NCOA2: variants seen among roughly 807,000 people sequenced by gnomAD.
NCOA2 encodes the protein nuclear receptor coactivator 2, also known as class E basic helix-loop-helix protein 75.
In NCOA2, 21 loss-of-function variants were observed where a neutral mutation model predicts 145.1. The observed-to-expected ratio is 0.14, with a 90% confidence interval of 0.10 to 0.21. NCOA2 has a LOEUF of 0.21. NCOA2 is among the 10% of genes least tolerant of loss of function. NCOA2 has a pLI of 1.00. For synonymous variants in NCOA2, 619 were observed against 637.5 expected, an observed-to-expected ratio of 0.97 and a Z score of 0.44; for missense variants, 1,472 against 1,837.6, an observed-to-expected ratio of 0.80 and a Z score of 3.64.
intron 3 of NCOA2, among the ~76,000 whole-genome samples, chr8:70,216,418 A>T (rs1323723827): frequency 2.0e-5 from 3 of 152,234 alleles, no homozygotes; most frequent in Non-Finnish European, 4.4e-5. Flanking sequence ...TATTAAATAA[A>T]TTGATTCTAA....
the NCOA2 span, among the ~76,000 whole-genome samples, chr8:70,434,950 C>A: frequency 6.6e-6 from 1 of 152,084 alleles, no homozygotes; most frequent in African/African-American, 2.4e-5. Flanking sequence ...ATTTTCATTG[C>A]ACTCCTAAGG....
intron 2 of NCOA2, among the ~76,000 whole-genome samples, chr8:70,296,507 A>G (rs1335553387): frequency 6.6e-6 from 1 of 152,210 alleles, no homozygotes; most frequent in African/African-American, 2.4e-5. Flanking sequence ...ATGTAAACTC[A>G]TCCCAAATAG....
intron 1 of NCOA2, among the ~76,000 whole-genome samples, chr8:70,365,079 T>C (rs1327519132): frequency 6.6e-6 from 1 of 152,276 alleles, no homozygotes; most frequent in South Asian, 2.1e-4. Flanking sequence ...ATGTGTGTAA[T>C]CCCAATATTT....
At chr8:70,152,745 T>G (rs1274214399) in intron 11 of NCOA2, among the ~76,000 whole-genome samples, 1 of 152,236 alleles carries the variant, frequency 6.6e-6, no homozygotes, top group Admixed American at 6.5e-5. Flanking sequence ...CGGTAAAAAA[T>G]GCTATTTTGG....
intron 1 of NCOA2, among the ~76,000 whole-genome samples, chr8:70,338,894 C>G (rs376975695): frequency 3.3e-5 from 5 of 152,148 alleles, no homozygotes; most frequent in Admixed American, 2.0e-4. Context: ...CAATAAAATT[C>G]AACATCCCTT....
chr8:70,319,977 G>GCAAAAAA (rs1805915981), intron 1 of NCOA2, among the ~76,000 whole-genome samples: 1 of 152,134 alleles, frequency 6.6e-6, no homozygotes, highest in African/African-American at 2.4e-5. Context: ...ATGATGATGG[G>GCAAAAAA]TAGCCTTGTT....
At chr8:70,316,302 A>G (rs769277315) in intron 1 of NCOA2, among the ~76,000 whole-genome samples, 8 of 152,224 alleles carry the variant, frequency 5.3e-5, no homozygotes, top group South Asian at 2.1e-4. Flanking sequence ...AACTTGTTCA[A>G]TGAGCTGTTT....
intron 2 of NCOA2, among the ~76,000 whole-genome samples, chr8:70,251,764 G>A (rs1352495036): frequency 6.6e-6 from 1 of 152,188 alleles, no homozygotes; most frequent in Admixed American, 6.5e-5. Flanking sequence ...CAGTTTTAAT[G>A]AACAACTAGA....
intron 4 of NCOA2, among the ~76,000 whole-genome samples, chr8:70,179,607 C>T (rs534170020): frequency 6.6e-6 from 1 of 152,314 alleles, no homozygotes; most frequent in South Asian, 2.1e-4. Context: ...CATTACTACA[C>T]TAAAACACAC....
chr8:70,211,544 T>C (rs1819030123), intron 4 of NCOA2, among the ~76,000 whole-genome samples: 1 of 152,204 alleles, frequency 6.6e-6, no homozygotes, highest in Non-Finnish European at 1.5e-5. Context: ...AGGTGTTTAC[T>C]GAATTTACAT....
chr8:70,454,680 T>A, the NCOA2 span, among the ~76,000 whole-genome samples: 1 of 152,042 alleles, frequency 6.6e-6, no homozygotes, highest in African/African-American at 2.4e-5. Context: ...TCACTGCCAA[T>A]AACAAACACA....
intron 13 of NCOA2, among the ~76,000 whole-genome samples, chr8:70,143,994 T>TA (rs979208290): frequency 5.9e-5 from 9 of 152,184 alleles, no homozygotes; most frequent in African/African-American, 2.2e-4. Flanking sequence ...GAACTGGATA[T>TA]AAGCTTGGGA....
chr8:70,198,421 C>G (rs2133449914), intron 4 of NCOA2, among the ~76,000 whole-genome samples: 1 of 152,266 alleles, frequency 6.6e-6, no homozygotes, highest in South Asian at 2.1e-4. Context: ...ATGGGACCAG[C>G]CAGCAAAGGG....
chr8:70,427,536 G>A, the NCOA2 span, among the ~76,000 whole-genome samples: 1 of 151,718 alleles, frequency 6.6e-6, no homozygotes, highest in Non-Finnish European at 1.5e-5. Context: ...AAATATTTTA[G>A]TACCAAAAAA....
intron 2 of NCOA2, among the ~76,000 whole-genome samples, chr8:70,285,964 C>A (rs1826202993): frequency 6.6e-6 from 1 of 152,112 alleles, no homozygotes; most frequent in African/African-American, 2.4e-5. Flanking sequence ...TCTCTCTATA[C>A]CTTAGTGTTT....
intron 4 of NCOA2, among the ~76,000 whole-genome samples, chr8:70,201,049 CA>C (rs60951750): frequency 0.044 from 2,832 of 63,884 alleles, 43 homozygotes; most frequent in African/African-American, 0.18. Context: ...GACTGTGTCT[CA>C]AAAAAAAAAA....
intron 2 of NCOA2, among the ~76,000 whole-genome samples, chr8:70,286,133 C>T (rs555439455): frequency 7.2e-5 from 11 of 152,268 alleles, no homozygotes; most frequent in African/African-American, 9.6e-5. Context: ...TATTTCCAGG[C>T]TGTGTACAGT....
intron 2 of NCOA2, among the ~76,000 whole-genome samples, chr8:70,221,141 C>T (rs1413802003): frequency 6.6e-6 from 1 of 152,078 alleles, no homozygotes; most frequent in Non-Finnish European, 1.5e-5. Context: ...GCTCTCTTTA[C>T]GATAGACATA....
intron 8 of NCOA2, 111 bp from the exon 9 acceptor site, chr8:70,162,965 A>G (rs910465595): frequency 1.2e-5 from 13 of 1,109,098 alleles, no homozygotes; most frequent in Non-Finnish European, 1.6e-5. Context: ...TCCAGGCTGG[A>G]GTGCAGTGGT....
Sources: gnomAD v4.1 joint callset for allele counts (sites outside exome capture counted in the v4.1 genomes callset) on GRCh38, gnomAD v4.1.1 for gene constraint, MANE v1.5 for transcripts, NCBI Gene and HGNC (gene_info 2026-07-23, HGNC 2026-07-21) for gene names.